Variants in ST3GAL5 observed in about 807,000 individuals in gnomAD.
The protein encoded by ST3GAL5 is ST3 beta-galactoside alpha-2,3-sialyltransferase 5.
ST3GAL5 carries 25 observed loss-of-function variants against 46.1 expected under a neutral mutation model. The observed-to-expected ratio is 0.54, with a 90% CI of 0.40 to 0.76. The LOEUF is 0.76. Ranked by LOEUF, ST3GAL5 falls within the 30% of genes least tolerant of loss-of-function variation. The pLI, the probability that ST3GAL5 is intolerant of heterozygous loss-of-function variation, is 0.00. For missense variants in ST3GAL5, 431 were observed against 521.2 expected, an observed-to-expected ratio of 0.83 and a Z score of 1.69; for synonymous variants, 182 against 192.7, an observed-to-expected ratio of 0.94 and a Z score of 0.46.
chr2:85,887,939 C>T (rs1294856551), intron 1 of ST3GAL5: 1 of 152,218 alleles, frequency 6.6e-6, no homozygotes, highest in Non-Finnish European at 1.5e-5. Flanking sequence ...TGAACGATGC[C>T]TAATTAAGCA....
At chr2:85,847,576 G>T in intron 4 of ST3GAL5, 1 of 1,190,794 alleles carries the variant, frequency 8.4e-7, no homozygotes, top group Non-Finnish European at 1.1e-6. Flanking sequence ...GAGGAGAAAG[G>T]TTGGTTTTAA....
At chr2:85,869,974 T>TA in intron 1 of ST3GAL5, 2 of 343,552 alleles carry the variant, frequency 5.8e-6, no homozygotes, top group Admixed American at 3.6e-5. Flanking sequence ...ATAGCCTCCG[T>TA]TCAGTTAAGC....
intron 1 of ST3GAL5, among the ~76,000 whole-genome samples, chr2:85,882,008 A>G (rs969862674): frequency 2.0e-5 from 3 of 152,214 alleles, no homozygotes; most frequent in African/African-American, 7.2e-5. Context: ...TGTGCAGCCT[A>G]GGGACTTAGT....
At chr2:85,847,398 C>A in intron 4 of ST3GAL5, 1 of 998,582 alleles carries the variant, frequency 1.0e-6, no homozygotes. Flanking sequence ...CAGCAGCATG[C>A]TCCTCCAACT....
chr2:85,888,886 C>T lies in ST3GAL5; in HGVS notation c.20G>A (p.Gly7Asp), dbSNP rs752086854. Reference protein sequence around the residue: MRTKAAGCAERRPLQPR... With the variant: MRTKAADCAERRPLQPR... The stretch of plus-strand genomic sequence containing the variant: ...CTGCAGGGGACGCCGCTCCGCGCAG[C>T]CCGCCGCCTTCGTCCGCATACTAAT... The change falls in exon 1 of 7, where the codon GGC becomes GAC. Residue 7 changes from glycine to aspartate, a missense_variant. Gly to Asp is a moderately conservative substitution (Grantham distance 94). Coordinates refer to ENST00000638572, the MANE Select transcript of ST3GAL5 (RefSeq NM_003896.4). 28 of 1,373,270 alleles carry T rather than the reference C, an allele frequency of 2.0e-5. No individual in the cohort carries two copies. In the Middle Eastern group the frequency reaches 1.1e-3, roughly 53 times the overall value. 85.1% of individuals were successfully genotyped at this position (1,373,270 alleles called of 1,614,324 possible).
rs558038343 is a variant in ST3GAL5, at chr2:85,860,643, C to T, written c.318+538G>A. On this transcript the variant is annotated intron_variant, in intron 3 of 6. Transcript: ENST00000638572. ...ATCCCCGACCTTTGGGAGGCCAAGG[C>T]GGGAGGATAGCTTGAGCCTAGGAGT... Among the ~76,000 whole-genome samples the T allele has an allele frequency of 3.3e-5, 5 of 152,088 alleles. No homozygotes were observed. The South Asian group carries it at 6.2e-4, about 19-fold the overall frequency.
intron 1 of ST3GAL5, among the ~76,000 whole-genome samples, chr2:85,885,120 G>C (rs1017777826): frequency 1.2e-4 from 18 of 152,158 alleles, no homozygotes; most frequent in African/African-American, 4.3e-4. Flanking sequence ...ACCCAAATAA[G>C]AAATGGGCTT....
chr2:85,860,928 A>G, intron 3 of ST3GAL5: 1 of 490,374 alleles, frequency 2.0e-6, no homozygotes, highest in South Asian at 2.2e-5. Flanking sequence ...GGAGCCCTAG[A>G]GCCTGTTGGG....
At chr2:85,862,430 T>C (rs1162606198) in intron 2 of ST3GAL5, among the ~76,000 whole-genome samples, 1 of 152,160 alleles carries the variant, frequency 6.6e-6, no homozygotes, top group African/African-American at 2.4e-5. Context: ...AAACCTAATA[T>C]TACCTATTCT....
At chr2:85,860,198 C>T (rs1456924204) in intron 3 of ST3GAL5, among the ~76,000 whole-genome samples, 1 of 152,152 alleles carries the variant, frequency 6.6e-6, no homozygotes, top group Non-Finnish European at 1.5e-5. Flanking sequence ...GTTCCTGGCA[C>T]ACGGGAGCAC....
intron 1 of ST3GAL5, among the ~76,000 whole-genome samples, chr2:85,875,916 C>G (rs937448096): frequency 1.3e-5 from 2 of 152,164 alleles, no homozygotes; most frequent in African/African-American, 4.8e-5. Context: ...TCCTCTGATT[C>G]CAAGACCTGC....
intron 1 of ST3GAL5, among the ~76,000 whole-genome samples, chr2:85,884,766 G>A (rs1194390535): frequency 6.6e-6 from 1 of 152,232 alleles, no homozygotes; most frequent in African/African-American, 2.4e-5. Context: ...GAGGAAGGCT[G>A]AGGAAGAAAC....
At chr2:85,872,868 G>C (rs1184661824) in intron 1 of ST3GAL5, among the ~76,000 whole-genome samples, 1 of 152,236 alleles carries the variant, frequency 6.6e-6, no homozygotes. Context: ...AAGGAGAACG[G>C]AAGACAAGGC....
chr2:85,842,097 C>A (rs1041495449), intron 6 of ST3GAL5, among the ~76,000 whole-genome samples: 3 of 152,184 alleles, frequency 2.0e-5, no homozygotes, highest in African/African-American at 7.2e-5. Flanking sequence ...GATTAGGGAA[C>A]ATCTACTGAA....
rs562699735 is a variant in ST3GAL5, at chr2:85,873,265, A to G, written c.83-9780T>C. ...ATTCAAGTTCCCGAGCTCTGGGCTG[A>G]GACCATGGCTTTGCTCAGCTCTGCC... On this transcript the variant is annotated intron_variant, in intron 1 of 6. Transcript: ENST00000638572. Among the ~76,000 whole-genome samples the G allele has an allele frequency of 3.9e-5, 6 of 152,160 alleles. No individual in the cohort carries two copies. In the East Asian group the frequency reaches 1.2e-3, roughly 29 times the overall value.
chr2:85,863,530 G>C (rs1374414840), intron 1 of ST3GAL5, 45 bp from the exon 2 acceptor site: 1 of 1,605,946 alleles, frequency 6.2e-7, no homozygotes, highest in African/African-American at 1.3e-5. Context: ...AGAGAGGAGA[G>C]AGTTAGGAGG....
intron 1 of ST3GAL5, among the ~76,000 whole-genome samples, chr2:85,878,611 A>T (rs1384797611): frequency 1.3e-5 from 2 of 152,210 alleles, no homozygotes; most frequent in African/African-American, 4.8e-5. Context: ...ATGGTTGTCT[A>T]ATTTTCTTTG....
At chr2:85,867,971 T>C (rs1685464493) in intron 1 of ST3GAL5, 1 of 322,990 alleles carries the variant, frequency 3.1e-6, no homozygotes, top group Non-Finnish European at 6.1e-6. Context: ...CAAATCCCTC[T>C]ACTTCAGCTC....
intron 3 of ST3GAL5, chr2:85,848,616 A>C (rs1022129464): frequency 8.3e-6 from 3 of 361,428 alleles, no homozygotes; most frequent in African/African-American, 6.4e-5. Context: ...ACAAAGAGAC[A>C]AATACTGTAT....
Sources: allele counts gnomAD v4.1 joint callset (sites outside exome capture counted in the v4.1 genomes callset), GRCh38; gene constraint gnomAD v4.1.1; transcripts MANE v1.5; gene names NCBI Gene and HGNC (gene_info 2026-07-23, HGNC 2026-07-21).